TAX1BP1: variants seen among roughly 807,000 people sequenced by gnomAD.
The protein encoded by TAX1BP1 is tax1-binding protein 1.
A neutral mutation model predicts 97.7 loss-of-function variants in TAX1BP1; 62 were observed. That is an observed-to-expected ratio of 0.63 (90% CI 0.52 to 0.78). The LOEUF (loss-of-function observed/expected upper bound fraction) is 0.78, where lower values mean the gene tolerates loss of function less well. Ranked by LOEUF, TAX1BP1 falls within the 30% of genes least tolerant of loss-of-function variation. TAX1BP1 has a pLI of 0.00. For synonymous variants in TAX1BP1, 340 were observed against 304.2 expected, an observed-to-expected ratio of 1.12 and a Z score of -1.23; for missense variants, 867 against 916.1, an observed-to-expected ratio of 0.95 and a Z score of 0.69.
intron 13 of TAX1BP1, among the ~76,000 whole-genome samples, chr7:27,812,583 C>T (rs1433450749): frequency 7.3e-6 from 1 of 136,794 alleles, no homozygotes; most frequent in Non-Finnish European, 1.5e-5. Flanking sequence ...AGATATTCTC[C>T]TATTTTTTTC....
rs113380315 is a variant in TAX1BP1 at position 27,750,765 on chromosome 7, A to C, written c.162+2079A>C. On this transcript the variant is annotated intron_variant, in intron 2 of 16. Coordinates refer to ENST00000396319, the MANE Select transcript of TAX1BP1 (RefSeq NM_006024.7). ...TTTTTCATTTTTTTAAAGCCAAAAG[A>C]CTGTGACTTTCCCTTCAAATCCAAA... is the stretch of plus-strand genomic sequence containing the variant. Among the ~76,000 whole-genome samples, 932 of 152,260 alleles carry C rather than the reference A, an allele frequency of 6.1e-3. 7 individuals carry two copies. The highest frequency in any genetic ancestry group is 0.018 in the African/African-American group (750 of 41,554).
chr7:27,747,779 G>A (rs1215994969), intron 1 of TAX1BP1, among the ~76,000 whole-genome samples: 1 of 148,796 alleles, frequency 6.7e-6, no homozygotes, highest in East Asian at 2.0e-4. Context: ...GGCGATGTAG[G>A]GGCAGGGCTA....
chr7:27,826,381 A>G (rs1444953721), intron 15 of TAX1BP1, among the ~76,000 whole-genome samples: 3 of 152,168 alleles, frequency 2.0e-5, no homozygotes, highest in Non-Finnish European at 4.4e-5. Context: ...GTCAAGTACT[A>G]GAAATACTCA....
intron 2 of TAX1BP1, among the ~76,000 whole-genome samples, chr7:27,751,787 A>G (rs1788027661): frequency 1.3e-5 from 2 of 152,026 alleles, no homozygotes; most frequent in Non-Finnish European, 2.9e-5. Context: ...AAGGAATTTG[A>G]TTTGCCTGGG....
At chr7:27,815,998 C>T (rs1348640184) in intron 13 of TAX1BP1, among the ~76,000 whole-genome samples, 1 of 152,258 alleles carries the variant, frequency 6.6e-6, no homozygotes, top group African/African-American at 2.4e-5. Context: ...CGTGCCATTG[C>T]ACCCCAGCCT....
intron 16 of TAX1BP1, among the ~76,000 whole-genome samples, 181 bp downstream of exon 16, chr7:27,828,001 A>G (rs150348181): frequency 0.011 from 1,634 of 152,362 alleles, 29 homozygotes; most frequent in African/African-American, 0.035. Flanking sequence ...GAGTTTTGTC[A>G]GAAAACATTT....
chr7:27,816,586 A>G (rs1790778081), intron 14 of TAX1BP1, 66 bp downstream of exon 14: 1 of 1,339,572 alleles, frequency 7.5e-7, no homozygotes, highest in African/African-American at 1.5e-5. Flanking sequence ...TTATATTTTC[A>G]TGGATTAGCA....
intron 2 of TAX1BP1, among the ~76,000 whole-genome samples, chr7:27,755,105 TAGTAACATGATTTTTAGA>T (rs961734281): frequency 6.6e-6 from 1 of 152,204 alleles, no homozygotes; most frequent in Non-Finnish European, 1.5e-5. Context: ...GGAACTTTTC[TAGTAACATGATTTTTAGA>T]AGCTACATTG....
intron 13 of TAX1BP1, among the ~76,000 whole-genome samples, chr7:27,811,291 G>T (rs915384962): frequency 1.3e-5 from 2 of 152,178 alleles, no homozygotes; most frequent in African/African-American, 4.8e-5. Flanking sequence ...TAGTTGATAT[G>T]TGGACGTGTA....
chr7:27,776,660 TATCTGTATACTTATGGTTTTC>T (rs1429703564), intron 5 of TAX1BP1, among the ~76,000 whole-genome samples: 2 of 152,044 alleles, frequency 1.3e-5, no homozygotes, highest in African/African-American at 4.8e-5. Flanking sequence ...GACCTTTTTG[TATCTGTATACTTATGGTTTTC>T]ATTAAATTTT....
chr7:27,774,226 T>A (rs1788944216), intron 5 of TAX1BP1, among the ~76,000 whole-genome samples: 2 of 152,234 alleles, frequency 1.3e-5, no homozygotes, highest in South Asian at 4.1e-4. Context: ...CTGTTTCTTC[T>A]CTAAAACGTA....
intron 8 of TAX1BP1, 99 bp from the exon 9 acceptor site, chr7:27,791,907 T>A: frequency 9.4e-7 from 1 of 1,059,724 alleles, no homozygotes; most frequent in Non-Finnish European, 1.4e-6. Context: ...AACCAATATC[T>A]AAAATTTTGG....
At chr7:27,766,345 G>A (rs1344291655) in intron 4 of TAX1BP1, among the ~76,000 whole-genome samples, 3 of 141,076 alleles carry the variant, frequency 2.1e-5, no homozygotes, top group African/African-American at 8.0e-5. Flanking sequence ...GCATGAACCC[G>A]GGAGGCAGAG....
intron 13 of TAX1BP1, among the ~76,000 whole-genome samples, chr7:27,810,256 T>C (rs1010002307): frequency 3.9e-5 from 6 of 152,094 alleles, no homozygotes; most frequent in Admixed American, 1.3e-4. Context: ...ATTTAACCTT[T>C]CTTTTTTTTC....
intron 1 of TAX1BP1, 87 bp from the exon 2 acceptor site, chr7:27,748,431 A>G (rs1787905994): frequency 4.3e-6 from 4 of 920,844 alleles, no homozygotes; most frequent in Non-Finnish European, 5.9e-6. Flanking sequence ...ATATTCATGA[A>G]ACTTATATTA....
intron 5 of TAX1BP1, among the ~76,000 whole-genome samples, chr7:27,774,848 A>T (rs1224018057): frequency 4.5e-4 from 68 of 152,156 alleles, no homozygotes; most frequent in Admixed American, 4.5e-3. Flanking sequence ...AGTTTTTAAC[A>T]GCTAACAAAT....
intron 13 of TAX1BP1, among the ~76,000 whole-genome samples, chr7:27,804,917 C>A (rs1790278479): frequency 6.6e-6 from 1 of 152,142 alleles, no homozygotes; most frequent in Non-Finnish European, 1.5e-5. Flanking sequence ...TTTATTCAAC[C>A]AACTTCCTGT....
intron 15 of TAX1BP1, 55 bp downstream of exon 15, chr7:27,817,093 T>C: frequency 6.3e-7 from 1 of 1,577,384 alleles, no homozygotes; most frequent in Non-Finnish European, 8.6e-7. Context: ...TTAGCTTATG[T>C]AGAGAGTTAA....
chr7:27,762,342 T>TG (rs1434585740), intron 3 of TAX1BP1, among the ~76,000 whole-genome samples: 1 of 152,146 alleles, frequency 6.6e-6, no homozygotes, highest in East Asian at 1.9e-4. Flanking sequence ...TGAAAGCTGT[T>TG]GGTTTATTTT....
Sources: gnomAD v4.1 joint callset for allele counts (sites outside exome capture counted in the v4.1 genomes callset) on GRCh38, gnomAD v4.1.1 for gene constraint, MANE v1.5 for transcripts, NCBI Gene and HGNC (gene_info 2026-07-23, HGNC 2026-07-21) for gene names.